CDC73: variants seen among roughly 807,000 people sequenced by gnomAD.
CDC73 encodes cell division cycle 73.
A neutral mutation model predicts 83.7 loss-of-function variants in CDC73; 21 were observed. The observed-to-expected ratio is 0.25, with a 90% CI of 0.18 to 0.36. CDC73 has a LOEUF of 0.36. CDC73 is among the 10% of genes least tolerant of loss of function. The pLI is 1.00. For missense variants in CDC73, 342 were observed against 653.3 expected (o/e 0.52, Z 5.19); for synonymous variants, 224 against 212.9 (o/e 1.05, Z -0.45).
intron 10 of CDC73, among the ~76,000 whole-genome samples, chr1:193,157,218 G>T (rs1676222895): frequency 1.3e-5 from 2 of 152,118 alleles, no homozygotes; most frequent in Admixed American, 1.3e-4. Flanking sequence ...ACTGGTTATT[G>T]TATATATTTT....
At chr1:193,127,387 CTGAG>C (rs777592560) in intron 2 of CDC73, among the ~76,000 whole-genome samples, 1 of 150,942 alleles carries the variant, frequency 6.6e-6, no homozygotes, top group African/African-American at 2.4e-5. Context: ...TTCTGCTTTC[CTGAG>C]TAAGAAATAT....
chr1:193,148,342 T>C (rs1676045811), intron 8 of CDC73, among the ~76,000 whole-genome samples: 2 of 152,228 alleles, frequency 1.3e-5, no homozygotes, highest in South Asian at 4.1e-4. Flanking sequence ...ATTGTATCTA[T>C]TACATCTTGG....
chr1:193,246,548 C>T (rs1677957981), intron 15 of CDC73, among the ~76,000 whole-genome samples: 3 of 152,002 alleles, frequency 2.0e-5, no homozygotes, highest in Admixed American at 2.0e-4. Flanking sequence ...AGTGAACTAG[C>T]TGAAAAAGAA....
intron 5 of CDC73, among the ~76,000 whole-genome samples, chr1:193,136,314 T>G (rs900784309): frequency 6.6e-6 from 1 of 152,196 alleles, no homozygotes; most frequent in Non-Finnish European, 1.5e-5. Context: ...CAATGTGTTA[T>G]GGGTGCTTGC....
At chr1:193,139,605 T>C (rs754661169) in intron 6 of CDC73, among the ~76,000 whole-genome samples, 2 of 152,234 alleles carry the variant, frequency 1.3e-5, no homozygotes, top group African/African-American at 2.4e-5. Context: ...CCTGCTTTAT[T>C]ACATATCATG....
chr1:193,140,126 C>G (rs965029607), intron 6 of CDC73, among the ~76,000 whole-genome samples: 2 of 152,176 alleles, frequency 1.3e-5, no homozygotes, highest in African/African-American at 4.8e-5. Flanking sequence ...GTTCTCCTCC[C>G]AAGGCCATGT....
chr1:193,160,104 T>C (rs1297350488), intron 10 of CDC73, among the ~76,000 whole-genome samples: 1 of 152,178 alleles, frequency 6.6e-6, no homozygotes, highest in Non-Finnish European at 1.5e-5. Flanking sequence ...TCAACTCAAT[T>C]TAGCTTTGCA....
intron 3 of CDC73, among the ~76,000 whole-genome samples, chr1:193,132,332 T>C (rs1271980379): frequency 6.6e-6 from 1 of 152,224 alleles, no homozygotes; most frequent in Admixed American, 6.5e-5. Flanking sequence ...CTGGGTGTTG[T>C]GCAAAATGCC....
chr1:193,125,876 T>C (rs949831422), intron 2 of CDC73, among the ~76,000 whole-genome samples: 2 of 151,998 alleles, frequency 1.3e-5, no homozygotes, highest in African/African-American at 4.8e-5. Context: ...AGAGTCAAAA[T>C]TAGGTGACTG....
chr1:193,179,775 A>G (rs1023514877), intron 10 of CDC73: 1 of 152,606 alleles, frequency 6.6e-6, no homozygotes, highest in Non-Finnish European at 1.5e-5. Flanking sequence ...TGAACTTTAT[A>G]ATGTGTTTGT....
intron 10 of CDC73, among the ~76,000 whole-genome samples, chr1:193,158,296 C>T (rs955414225): frequency 1.1e-4 from 17 of 151,890 alleles, no homozygotes; most frequent in African/African-American, 4.1e-4. Context: ...AGGGTAATAA[C>T]TAGGTTGGCC....
At chr1:193,164,182 A>G (rs887498975) in intron 10 of CDC73, among the ~76,000 whole-genome samples, 2 of 152,236 alleles carry the variant, frequency 1.3e-5, no homozygotes, top group African/African-American at 4.8e-5. Flanking sequence ...TCCATAGTAC[A>G]TAGTAACTGG....
chr1:193,169,450 TAGG>T (rs1267922578), intron 10 of CDC73, among the ~76,000 whole-genome samples: 1 of 151,832 alleles, frequency 6.6e-6, no homozygotes, highest in Admixed American at 6.6e-5. Flanking sequence ...GAGGCTGAGG[TAGG>T]AGGATCACTT....
intron 2 of CDC73, among the ~76,000 whole-genome samples, chr1:193,128,833 G>A (rs953502016): frequency 1.3e-5 from 2 of 152,110 alleles, no homozygotes; most frequent in African/African-American, 4.8e-5. Context: ...AAAGGTTCTT[G>A]TTGTTACTTC....
intron 10 of CDC73, among the ~76,000 whole-genome samples, chr1:193,187,102 TC>T (rs3079946): frequency 0.016 from 540 of 32,806 alleles, 165 homozygotes; most frequent in African/African-American, 0.035. Context: ...GTAATTTAGA[TC>T]CCCCCCCCCG....
Position 193,124,051 on chromosome 1 carries a change from A to G in CDC73, c.132-1061A>G, listed in dbSNP as rs142472817. Among the ~76,000 whole-genome samples, 218 of 152,370 alleles carry G rather than the reference A, an allele frequency of 1.4e-3. 1 individual carries two copies. Among genetic ancestry groups the G allele is most frequent in the African/African-American group, 5.1e-3 (212 of 41,588 alleles). ...AAGTCTTCCAAGATGAGTGAACTGT[A>G]TACTTAAAGGCTGTATGCTTAAAGG... On this transcript the variant is annotated intron_variant, in intron 1 of 16. Transcript: ENST00000367435.
intron 2 of CDC73, among the ~76,000 whole-genome samples, chr1:193,128,386 C>T (rs1434430080): frequency 2.0e-5 from 3 of 152,020 alleles, no homozygotes; most frequent in African/African-American, 4.8e-5. Flanking sequence ...CTTACCCTCC[C>T]GGGCTCAAGT....
At chr1:193,240,427 A>G (rs1184131239) in intron 15 of CDC73, among the ~76,000 whole-genome samples, 1 of 152,184 alleles carries the variant, frequency 6.6e-6, no homozygotes, top group African/African-American at 2.4e-5. Context: ...AGTTTTGAGA[A>G]ATCTTCATAC....
chr1:193,249,786 T>C lies in CDC73; in HGVS notation c.1474T>C (p.Trp492Arg). 1 of 1,610,816 alleles carries C rather than the reference T, an allele frequency of 6.2e-7. No homozygotes were observed. Among genetic ancestry groups the C allele is most frequent in the Non-Finnish European group, 8.5e-7 (1 of 1,177,316 alleles). ...TCGTCTGGATCCAAATGTTCAGAAA[T>C]GGGATGTAACAGTATTAGAACTCAG... ...EVRLDPNVQK[W>R]DVTVLELSYH... Residue 492 changes from tryptophan (W) to arginine (R), a missense_variant, in exon 16 of 17, where the codon TGG (tryptophan) becomes CGG (arginine). Physicochemically the swap from Trp to Arg is moderately radical, Grantham distance 101. Coordinates refer to ENST00000367435, the MANE Select transcript of CDC73 (RefSeq NM_024529.5).
Sources: allele counts gnomAD v4.1 joint callset (sites outside exome capture counted in the v4.1 genomes callset), GRCh38; gene constraint gnomAD v4.1.1; transcripts MANE v1.5; gene names NCBI Gene and HGNC (gene_info 2026-07-23, HGNC 2026-07-21).